Variants in IQCK observed in about 807,000 individuals in gnomAD.
The protein encoded by IQCK is IQ domain-containing protein K.
In IQCK, 29 loss-of-function variants were observed where a neutral mutation model predicts 28.1. The ratio of observed to expected loss-of-function variants is 1.03; its 90% CI spans 0.77 to 1.41. The LOEUF (loss-of-function observed/expected upper bound fraction) is 1.41. Among genes scored for constraint, IQCK ranks in the 40% most tolerant of loss-of-function variants. The pLI is 0.00. For synonymous variants in IQCK, 113 were observed against 115.1 expected (o/e 0.98, Z 0.12); for missense variants, 359 against 314.7 (o/e 1.14, Z -1.07).
At chr16:19,837,862 A>G (rs974142248) in intron 9 of IQCK, among the ~76,000 whole-genome samples, 13 of 152,204 alleles carry the variant, frequency 8.5e-5, no homozygotes, top group African/African-American at 3.1e-4. Context: ...TGGATTAGCT[A>G]CAAGATCCCA....
chr16:19,820,516 G>T (rs1257907873), intron 7 of IQCK, among the ~76,000 whole-genome samples: 1 of 152,124 alleles, frequency 6.6e-6, no homozygotes, highest in Non-Finnish European at 1.5e-5. Context: ...GGGCGCAGGG[G>T]CGGGCGCCTG....
chr16:19,776,703 C>T (rs547122654), intron 6 of IQCK, among the ~76,000 whole-genome samples: 9 of 152,178 alleles, frequency 5.9e-5, no homozygotes, highest in South Asian at 2.1e-4. Context: ...AGCGAGCCTC[C>T]GTCTCAAAAA....
At chr16:19,804,917 C>T (rs778828617) in intron 7 of IQCK, among the ~76,000 whole-genome samples, 5 of 152,118 alleles carry the variant, frequency 3.3e-5, no homozygotes, top group South Asian at 2.1e-4. Context: ...GTTGTTTAAG[C>T]GCCAGATTCT....
In IQCK at chr16:19,793,655, T is replaced by TG. The variant is rs1567559593; in HGVS notation, c.690+4733_690+4734insG. Among the ~76,000 whole-genome samples the TG allele has an allele frequency of 1.8e-3, 239 of 130,346 alleles. 21 individuals are homozygous for TG. The highest frequency in any genetic ancestry group is 7.8e-3 in the African/African-American group (232 of 29,574). The allele number at this position is 130,346 out of a possible 152,430, so 85.5% of individuals were successfully genotyped here. ...AAATCTCAGTTGGGTTTTTTTTTTT[T>TG]TTTTTTTTTTTTTTTTTTGTGAAAT... is the stretch of plus-strand genomic sequence containing the variant. On this transcript the variant is annotated intron_variant, in intron 7 of 7. Coordinates refer to ENST00000564186, the Ensembl canonical transcript of IQCK.
At chr16:19,721,636 A>G (rs965321705) in intron 1 of IQCK, among the ~76,000 whole-genome samples, 1 of 149,366 alleles carries the variant, frequency 6.7e-6, no homozygotes, top group Non-Finnish European at 1.5e-5. Flanking sequence ...CCCAGGCTGC[A>G]GTGCAGTGGC....
chr16:19,805,953 ACTT>A (rs2055828307), intron 7 of IQCK, among the ~76,000 whole-genome samples: 1 of 151,686 alleles, frequency 6.6e-6, no homozygotes, highest in South Asian at 2.1e-4. Context: ...TGCTGAGTCT[ACTT>A]CTGGGTGGGG....
chr16:19,835,456 G>A (rs567242480), intron 9 of IQCK, among the ~76,000 whole-genome samples: 83 of 152,130 alleles, frequency 5.5e-4, no homozygotes, highest in Middle Eastern at 6.8e-3. Flanking sequence ...AAATGATAGC[G>A]CTGTACCATA....
intron 6 of IQCK, among the ~76,000 whole-genome samples, chr16:19,779,657 C>T (rs1260991626): frequency 1.3e-5 from 2 of 151,808 alleles, no homozygotes; most frequent in African/African-American, 4.8e-5. Flanking sequence ...TAGGATTTAT[C>T]CTCGTTATTT....
At chr16:19,810,496 CAA>C (rs557787682) in intron 7 of IQCK, among the ~76,000 whole-genome samples, 5 of 107,674 alleles carry the variant, frequency 4.6e-5, no homozygotes, top group Admixed American at 1.0e-4. Flanking sequence ...GACTCCGTCT[CAA>C]AAAAAAAAAA....
intron 1 of IQCK, among the ~76,000 whole-genome samples, chr16:19,718,692 C>G (rs1311623043): frequency 2.0e-5 from 3 of 152,140 alleles, no homozygotes; most frequent in Non-Finnish European, 4.4e-5. Context: ...ACTCCAATCG[C>G]GATCCGTAGT....
intron 7 of IQCK, among the ~76,000 whole-genome samples, chr16:19,809,248 T>C (rs2055871934): frequency 6.6e-6 from 1 of 152,226 alleles, no homozygotes; most frequent in South Asian, 2.1e-4. Flanking sequence ...TTCTGCTGAG[T>C]AACAAACCAC....
At chr16:19,782,570 G>T (rs1272860966) in intron 6 of IQCK, among the ~76,000 whole-genome samples, 1 of 152,080 alleles carries the variant, frequency 6.6e-6, no homozygotes, top group Non-Finnish European at 1.5e-5. Context: ...TGAGGCTGCA[G>T]TGAGCTATGA....
intron 4 of IQCK, among the ~76,000 whole-genome samples, chr16:19,756,613 G>A (rs1348072241): frequency 6.6e-6 from 1 of 151,926 alleles, no homozygotes; most frequent in Non-Finnish European, 1.5e-5. Flanking sequence ...ATGGCCGGGC[G>A]CAGTGGCTCA....
chr16:19,735,557 C>T lies in IQCK; in HGVS notation c.474+107C>T, dbSNP rs1009637105. The T allele has an allele frequency of 7.7e-6, 7 of 912,456 alleles. No individual in the cohort carries two copies. The African/African-American group carries it at 1.2e-4, about 15-fold the overall frequency. 56.5% of individuals were successfully genotyped at this position (912,456 alleles called of 1,614,324 possible). ...CATCAGGTTGTTCTCCAGATGACCC[C>T]TTCGGGAGGGAAAGCCTGTGTTTGG... On this transcript the variant is annotated intron_variant, in intron 4 of 7. Coordinates refer to ENST00000564186, the Ensembl canonical transcript of IQCK.
chr16:19,729,395 C>T (rs543792871), intron 1 of IQCK, among the ~76,000 whole-genome samples: 28 of 152,010 alleles, frequency 1.8e-4, no homozygotes, highest in Non-Finnish European at 2.9e-4. Context: ...CGTGAGCCAC[C>T]GCTCCCAGCT....
intron 1 of IQCK, among the ~76,000 whole-genome samples, chr16:19,719,443 T>A (rs573330237): frequency 3.7e-4 from 56 of 151,336 alleles, no homozygotes; most frequent in Non-Finnish European, 7.4e-4. Flanking sequence ...AAAAAAAAAT[T>A]ATCTGGGCGT....
At chr16:19,732,787 C>A (rs1024573286) in intron 2 of IQCK, among the ~76,000 whole-genome samples, 9 of 152,166 alleles carry the variant, frequency 5.9e-5, no homozygotes, top group Admixed American at 1.3e-4. Flanking sequence ...ACGCTACCAT[C>A]ATGGTGCCCT....
chr16:19,735,274 G>C (rs960747531), intron 3 of IQCK, 79 bp from the exon 4 acceptor site: 116 of 969,450 alleles, frequency 1.2e-4, no homozygotes, highest in Admixed American at 7.4e-5. Flanking sequence ...CCTTTTTCTG[G>C]CTCAAAAGTA....
intron 7 of IQCK, among the ~76,000 whole-genome samples, chr16:19,812,359 G>T (rs757594456): frequency 6.6e-6 from 1 of 152,312 alleles, no homozygotes; most frequent in South Asian, 2.1e-4. Flanking sequence ...GAAGCTGGGG[G>T]CTATAGGTTC....
Sources: allele counts gnomAD v4.1 joint callset (sites outside exome capture counted in the v4.1 genomes callset), GRCh38; gene constraint gnomAD v4.1.1; transcripts MANE v1.5; gene names NCBI Gene and HGNC (gene_info 2026-07-23, HGNC 2026-07-21).